Variants in PRKG1 observed in about 807,000 individuals in gnomAD.
The protein encoded by PRKG1 is protein kinase cGMP-dependent 1, also known as cGMP-dependent protein kinase 1.
PRKG1 carries 35 observed loss-of-function variants against 88.1 expected under a neutral mutation model. That is an observed-to-expected ratio of 0.40 (90% CI 0.30 to 0.53). PRKG1 has a LOEUF of 0.53. Among genes scored for constraint, PRKG1 ranks in the 20% least tolerant of loss-of-function variants. The pLI is 0.59. For synonymous variants in PRKG1, 303 were observed against 292.5 expected (o/e 1.04, Z -0.37); for missense variants, 540 against 839.8 (o/e 0.64, Z 4.41).
chr10:51,292,151 G>A lies in PRKG1; in HGVS notation c.478+138821G>A, dbSNP rs551671068. On this transcript the variant is annotated intron_variant, in intron 2 of 17. Coordinates refer to ENST00000373980, the MANE Select transcript of PRKG1 (RefSeq NM_006258.4). ...TGAACACAATCTAGAACCACAGCTA[G>A]CATTGCTCCCAGACCTTCTTAGTTA... Among the ~76,000 whole-genome samples, 47 of 152,140 alleles carry A rather than the reference G, an allele frequency of 3.1e-4. 1 individual carries two copies. The highest frequency in any genetic ancestry group is 2.4e-4 in the Non-Finnish European group (16 of 68,014).
At chr10:51,309,303 C>T (rs1841120417) in intron 2 of PRKG1, among the ~76,000 whole-genome samples, 1 of 152,098 alleles carries the variant, frequency 6.6e-6, no homozygotes. Context: ...AACAGAGAGC[C>T]TACAGAATGG....
At chr10:51,575,726 C>T (rs746121485) in intron 3 of PRKG1, among the ~76,000 whole-genome samples, 42 of 151,504 alleles carry the variant, frequency 2.8e-4, no homozygotes, top group Admixed American at 7.9e-4. Context: ...ATTTTTTTAA[C>T]CTAGAACTTT....
intron 1 of PRKG1, among the ~76,000 whole-genome samples, chr10:51,132,413 A>T (rs899014650): frequency 2.6e-5 from 4 of 152,170 alleles, no homozygotes; most frequent in African/African-American, 9.7e-5. Flanking sequence ...ATTCAATAAG[A>T]TTAGTAAAAG....
At chr10:51,244,812 T>C (rs1328912824) in intron 2 of PRKG1, 1 of 152,020 alleles carries the variant, frequency 6.6e-6, no homozygotes, top group Non-Finnish European at 1.5e-5. Context: ...AAAATGTCTG[T>C]GAGCTCCTCA....
chr10:51,264,921 C>G (rs565180414), intron 2 of PRKG1, among the ~76,000 whole-genome samples: 30 of 152,158 alleles, frequency 2.0e-4, no homozygotes, highest in African/African-American at 6.0e-4. Flanking sequence ...TTCACCCTTT[C>G]AAGATAAATG....
chr10:51,580,964 C>T (rs565544327), intron 3 of PRKG1, among the ~76,000 whole-genome samples: 4 of 151,970 alleles, frequency 2.6e-5, no homozygotes, highest in East Asian at 3.9e-4. Flanking sequence ...ATCAGCAGGT[C>T]GAGAAATAAT....
At chr10:51,704,521 T>C (rs1272002549) in intron 3 of PRKG1, among the ~76,000 whole-genome samples, 2 of 152,210 alleles carry the variant, frequency 1.3e-5, no homozygotes, top group African/African-American at 4.8e-5. Context: ...TGTTGCCATT[T>C]GATGAAATGG....
At chr10:51,183,248 G>T (rs923723536) in intron 2 of PRKG1, among the ~76,000 whole-genome samples, 2 of 152,176 alleles carry the variant, frequency 1.3e-5, no homozygotes, top group Non-Finnish European at 2.9e-5. Context: ...TGCAGTTAGT[G>T]CTGGGTTGTG....
At chr10:51,751,951 A>G (rs1837736640) in intron 3 of PRKG1, among the ~76,000 whole-genome samples, 1 of 152,198 alleles carries the variant, frequency 6.6e-6, no homozygotes, top group African/African-American at 2.4e-5. Context: ...GTCAGTGCAT[A>G]TACATTTTAT....
Position 51,521,550 on chromosome 10 carries a change from C to T in PRKG1, c.592+53714C>T, listed in dbSNP as rs1182877563. Reference sequence around the variant, plus strand: ...AAGCACTGAGTCTACTCTCTACTGGCCCAAAATACACTTTAAAACAATACA... The same window carrying T: ...AAGCACTGAGTCTACTCTCTACTGGTCCAAAATACACTTTAAAACAATACA... On this transcript the variant is annotated intron_variant, in intron 3 of 17. Transcript: ENST00000373980. 2.0e-5 allele frequency among the ~76,000 whole-genome samples: 3 copies of T among 152,098 alleles called. No individual in the cohort carries two copies. In the East Asian group the frequency reaches 5.8e-4, roughly 29 times the overall value.
At chr10:51,266,950 CAAAGT>C (rs1051791058) in intron 2 of PRKG1, among the ~76,000 whole-genome samples, 2 of 152,094 alleles carry the variant, frequency 1.3e-5, no homozygotes, top group Non-Finnish European at 2.9e-5. Context: ...GATATATAAA[CAAAGT>C]AAAACATTCC....
chr10:51,639,436 C>CAAAAAAA (rs769304908), intron 3 of PRKG1, among the ~76,000 whole-genome samples: 34 of 31,790 alleles, frequency 1.1e-3, no homozygotes, highest in African/African-American at 3.1e-3. Flanking sequence ...GACTCCATCT[C>CAAAAAAA]AAAAAAAAAA....
intron 4 of PRKG1, among the ~76,000 whole-genome samples, chr10:51,856,733 A>G (rs566660613): frequency 6.6e-6 from 1 of 152,076 alleles, no homozygotes; most frequent in African/African-American, 2.4e-5. Context: ...TGGGAGGCTG[A>G]GTCAGGTGGA....
chr10:51,737,361 A>T (rs544602647), intron 3 of PRKG1, among the ~76,000 whole-genome samples: 4 of 152,318 alleles, frequency 2.6e-5, no homozygotes, highest in African/African-American at 9.6e-5. Context: ...TTGTTCTTTC[A>T]ACCCATCCTT....
intron 3 of PRKG1, among the ~76,000 whole-genome samples, chr10:51,720,736 A>T (rs541406903): frequency 3.0e-4 from 45 of 152,310 alleles, no homozygotes; most frequent in African/African-American, 9.6e-4. Flanking sequence ...AGAGCTTTAA[A>T]TTATAATATT....
intron 7 of PRKG1, among the ~76,000 whole-genome samples, chr10:52,104,134 G>T (rs193062478): frequency 9.2e-4 from 139 of 151,026 alleles, no homozygotes; most frequent in Middle Eastern, 3.5e-3. Context: ...ATGATTAAAT[G>T]ATGGCTATAA....
At chr10:51,073,839 C>G (rs754726555), upstream of PRKG1, among the ~76,000 whole-genome samples, 22 of 152,150 alleles carry the variant, frequency 1.4e-4, no homozygotes, top group Non-Finnish European at 2.1e-4. Context: ...GCGTTAGCCA[C>G]CTGTGTGAGG....
Position 51,496,356 on chromosome 10 carries a change from G to T in PRKG1, c.592+28520G>T, listed in dbSNP as rs111406703. Among the ~76,000 whole-genome samples, 1,284 of 152,214 alleles carry T rather than the reference G, an allele frequency of 8.4e-3. 11 individuals carry two copies. The highest frequency in any genetic ancestry group is 0.029 in the African/African-American group (1,213 of 41,546). Reference sequence around the variant, plus strand: ...GACACGTTGGGATGATGTGTTATTGGGTTGCAGACAGAAGAGTTCTGAGTT... The same window carrying T: ...GACACGTTGGGATGATGTGTTATTGTGTTGCAGACAGAAGAGTTCTGAGTT... On this transcript the variant is annotated intron_variant, in intron 3 of 17. Coordinates refer to ENST00000373980, the MANE Select transcript of PRKG1 (RefSeq NM_006258.4).
intron 10 of PRKG1, among the ~76,000 whole-genome samples, chr10:52,256,070 T>A (rs1276006260): frequency 7.1e-6 from 1 of 140,170 alleles, no homozygotes; most frequent in East Asian, 2.0e-4. Context: ...TTGCCCAGAA[T>A]TACTGATTTT....
Sources: gnomAD v4.1 joint callset for allele counts (sites outside exome capture counted in the v4.1 genomes callset) on GRCh38, gnomAD v4.1.1 for gene constraint, MANE v1.5 for transcripts, NCBI Gene and HGNC (gene_info 2026-07-23, HGNC 2026-07-21) for gene names.